The following ZHX3 variants were observed in gnomAD, a reference collection of about 807,000 sequenced individuals.
ZHX3 encodes the protein zinc fingers and homeoboxes 3.
Under a neutral mutation model 64.5 loss-of-function variants are expected in ZHX3, and 20 were observed. That is an observed-to-expected ratio of 0.31 (90% confidence interval 0.22 to 0.45). The LOEUF (loss-of-function observed/expected upper bound fraction) is 0.45. ZHX3 is among the 20% of genes least tolerant of loss of function. The pLI, the probability that ZHX3 is intolerant of heterozygous loss-of-function variation, is 1.00. For missense variants in ZHX3, 1,041 were observed against 1,195.8 expected (o/e 0.87, Z 1.91); for synonymous variants, 423 against 461.6 (o/e 0.92, Z 1.07).
Position 41,180,175 on chromosome 20 carries a change from C to A in ZHX3, c.*5016G>T, listed in dbSNP as rs1020586234. The A allele has an allele frequency of 6.5e-6, 1 of 152,700 alleles. No individual in the cohort carries two copies. Among genetic ancestry groups the A allele is most frequent in the African/African-American group, 2.4e-5 (1 of 41,456 alleles). The allele number at this position is 152,700 out of a possible 1,614,324, so 9.5% of individuals were successfully genotyped here. ...GGACAGCAGGGAAGGTGCCTAGAGT[C>A]CCCACCAGAGCGGCTGCCTTCCTCC... On this transcript the variant is annotated 3_prime_UTR_variant, in exon 4 of 4. Coordinates refer to ENST00000683867, the MANE Select transcript of ZHX3 (RefSeq NM_001384317.1).
chr20:41,235,589 T>A (rs990787646), intron 2 of ZHX3, among the ~76,000 whole-genome samples: 2 of 152,282 alleles, frequency 1.3e-5, no homozygotes, highest in Middle Eastern at 3.4e-3. Flanking sequence ...TGCTAAAAAC[T>A]CTCAATAAAT....
At chr20:41,193,461 G>C (rs1157778900) in intron 3 of ZHX3, among the ~76,000 whole-genome samples, 3 of 151,918 alleles carry the variant, frequency 2.0e-5, no homozygotes, top group African/African-American at 4.8e-5. Flanking sequence ...ATTGTTCATT[G>C]CAAGTGTATA....
intron 1 of ZHX3, among the ~76,000 whole-genome samples, chr20:41,307,396 C>A (rs1302915699): frequency 6.6e-6 from 1 of 152,078 alleles, no homozygotes; most frequent in East Asian, 1.9e-4. Context: ...CTCTATTTTC[C>A]CTCCATTTTA....
intron 2 of ZHX3, among the ~76,000 whole-genome samples, chr20:41,227,633 T>A (rs1237509772): frequency 6.6e-6 from 1 of 152,214 alleles, no homozygotes; most frequent in African/African-American, 2.4e-5. Context: ...TCTAAGAGCT[T>A]CTCTTGATGT....
chr20:41,204,790 G>C lies in ZHX3; in HGVS notation c.127C>G (p.Pro43Ala), dbSNP rs1325551767. The change falls in exon 3 of 4, where the codon CCA becomes GCA. Residue 43 changes from proline (P) to alanine (A), a missense_variant. Pro to Ala is a conservative substitution (Grantham distance 27). Coordinates refer to ENST00000683867, the MANE Select transcript of ZHX3 (RefSeq NM_001384317.1). The surrounding 1 kb of genome is among the most constrained non-coding windows in gnomAD (Gnocchi z 6.6). ...LPEGPQQDLP[P>A]EASAASSEAA... Reference sequence around the variant, plus strand: ...TCACTGCTGGCAGCAGATGCTTCTGGGGGCAGATCCTGCTGGGGTCCTTCA... The same window carrying C: ...TCACTGCTGGCAGCAGATGCTTCTGCGGGCAGATCCTGCTGGGGTCCTTCA... The C allele has an allele frequency of 5.0e-6, 8 of 1,613,760 alleles. No homozygotes were observed. Among genetic ancestry groups the C allele is most frequent in the Non-Finnish European group, 6.8e-6 (8 of 1,179,710 alleles).
At chr20:41,206,530 G>A (rs1265715952) in intron 2 of ZHX3, among the ~76,000 whole-genome samples, 1 of 152,176 alleles carries the variant, frequency 6.6e-6, no homozygotes, top group African/African-American at 2.4e-5. Flanking sequence ...TAGCCGATTT[G>A]ATCAAGTGGA....
intron 2 of ZHX3, chr20:41,238,547 T>A (rs1335576822): frequency 6.6e-6 from 1 of 152,244 alleles, no homozygotes; most frequent in Non-Finnish European, 1.5e-5. Flanking sequence ...ATGATGCTTC[T>A]AACATCTGCT....
chr20:41,199,431 T>C (rs572057779), intron 3 of ZHX3, among the ~76,000 whole-genome samples: 8 of 152,324 alleles, frequency 5.3e-5, no homozygotes, highest in African/African-American at 1.9e-4. Flanking sequence ...ATTTGTGACT[T>C]TTCCAACTAT....
rs1400417379 is a variant in ZHX3 at position 41,224,217 on chromosome 20, C to T, written c.-150-19151G>A. On this transcript the variant is annotated intron_variant, in intron 2 of 3. Coordinates refer to ENST00000683867, the MANE Select transcript of ZHX3 (RefSeq NM_001384317.1). This position sits in a 1 kb window ranked among gnomAD's most constrained non-coding sequence, Gnocchi z 5.2. Reference sequence around the variant, plus strand: ...TCTCCCAAATGTGGGAGCTAATTATCATTTATGACAATTTATTACAAAGCC... The same window carrying T: ...TCTCCCAAATGTGGGAGCTAATTATTATTTATGACAATTTATTACAAAGCC... Among the ~76,000 whole-genome samples the T allele has an allele frequency of 6.6e-6, 1 of 152,196 alleles. No individual in the cohort carries two copies. The highest frequency in any genetic ancestry group is 6.5e-5 in the Admixed American group (1 of 15,286).
At chr20:41,288,236 T>C (rs533739900) in intron 1 of ZHX3, among the ~76,000 whole-genome samples, 105 of 152,298 alleles carry the variant, frequency 6.9e-4, no homozygotes, top group African/African-American at 2.3e-3. Flanking sequence ...CCCAGGCTGG[T>C]CTTGAACTCA....
chr20:41,201,346 G>T lies in ZHX3; in HGVS notation c.2860+711C>A. 4 of 1,304,772 alleles carry T rather than the reference G, an allele frequency of 3.1e-6. No homozygotes were observed. Among genetic ancestry groups the T allele is most frequent in the Non-Finnish European group, 4.0e-6 (4 of 989,076 alleles). 80.8% of individuals were successfully genotyped at this position (1,304,772 alleles called of 1,614,324 possible). ...TGAGAACACAAATGTCAAAGGGTAA[G>T]GAGGGAAGGGAGAGGCTGGGAACTC... On this transcript the variant is annotated intron_variant, in intron 3 of 3. Transcript: ENST00000683867. This position sits in a 1 kb window ranked among gnomAD's most constrained non-coding sequence, Gnocchi z 5.0.
chr20:41,307,676 C>T (rs2045018883), intron 1 of ZHX3, among the ~76,000 whole-genome samples: 1 of 152,128 alleles, frequency 6.6e-6, no homozygotes, highest in Non-Finnish European at 1.5e-5. Flanking sequence ...TAAATGATGC[C>T]TTAGTAAACA....
intron 2 of ZHX3, among the ~76,000 whole-genome samples, chr20:41,226,000 T>C (rs1406447740): frequency 6.6e-6 from 1 of 152,204 alleles, no homozygotes; most frequent in East Asian, 1.9e-4. Flanking sequence ...TAAATGAAGT[T>C]ATATTTCAAG....
In ZHX3 at chr20:41,182,418, G is replaced by A. The variant is rs1314130922; in HGVS notation, c.*2773C>T. 6.6e-6 allele frequency: 1 copy of A among 152,224 alleles called. No homozygotes were observed. The highest frequency in any genetic ancestry group is 1.5e-5 in the Non-Finnish European group (1 of 68,066). 9.4% of individuals were successfully genotyped at this position (152,224 alleles called of 1,614,324 possible). The stretch of plus-strand genomic sequence containing the variant: ...CTTAGGCAGTGTGCAAAACCACAGT[G>A]AGCTGTCCTGTGACAGGGCTACATA... On this transcript the variant is annotated 3_prime_UTR_variant, in exon 4 of 4. Coordinates refer to ENST00000683867, the MANE Select transcript of ZHX3 (RefSeq NM_001384317.1). This position sits in a 1 kb window ranked among gnomAD's most constrained non-coding sequence, Gnocchi z 6.1.
At chr20:41,315,382 A>G (rs1279255834) in intron 1 of ZHX3, among the ~76,000 whole-genome samples, 1 of 106,954 alleles carries the variant, frequency 9.3e-6, no homozygotes, top group African/African-American at 3.7e-5. Context: ...TTTAGTAGAG[A>G]CGGGGTGTCA....
chr20:41,189,645 T>C (rs1003490247), intron 3 of ZHX3, among the ~76,000 whole-genome samples: 7 of 152,234 alleles, frequency 4.6e-5, no homozygotes, highest in Non-Finnish European at 1.0e-4. Context: ...TATTTTATTA[T>C]TGGTGTATAG....
In ZHX3 at chr20:41,202,652, C is replaced by T. The variant is rs774431234; in HGVS notation, c.2265G>A (p.Glu755=). Residue 755 remains glutamate (E), a synonymous_variant, in exon 3 of 4, where the codon GAG becomes GAA. Transcript: ENST00000683867. The surrounding 1 kb of genome is among the most constrained non-coding windows in gnomAD (Gnocchi z 7.0). ...GLGACDPEDD[E]SNKLAEQLPG... ...GGAGCTGCTCTGCCAGTTTGTTTGACTCATCATCCTCAGGGTCACAGGCAC... is the reference window on the plus strand; with the variant it reads ...GGAGCTGCTCTGCCAGTTTGTTTGATTCATCATCCTCAGGGTCACAGGCAC... 2.5e-6 allele frequency: 4 copies of T among 1,614,000 alleles called. No homozygotes were observed. The East Asian group carries it at 6.7e-5, about 27-fold the overall frequency.
chr20:41,283,200 T>C (rs2043777643), intron 1 of ZHX3, among the ~76,000 whole-genome samples: 2 of 152,288 alleles, frequency 1.3e-5, no homozygotes, highest in South Asian at 4.1e-4. Context: ...TGAGCCACCA[T>C]GCCCGGCCTC....
rs6072306 is a variant in ZHX3, at chr20:41,201,170, C to T, written c.2860+887G>A. On this transcript the variant is annotated intron_variant, in intron 3 of 3. Coordinates refer to ENST00000683867, the MANE Select transcript of ZHX3 (RefSeq NM_001384317.1). The surrounding 1 kb of genome is among the most constrained non-coding windows in gnomAD (Gnocchi z 5.0). The stretch of plus-strand genomic sequence containing the variant: ...CACGGAACCATCACATTGCCCAACA[C>T]CACAAATAGTGTCTCCTGTACCCCC... 7,331 of 675,554 alleles carry T rather than the reference C, an allele frequency of 0.011. 55 individuals are homozygous for T. The highest frequency in any genetic ancestry group is 0.013 in the Non-Finnish European group (5,980 of 472,896). 41.8% of individuals were successfully genotyped at this position (675,554 alleles called of 1,614,324 possible).
Sources: gnomAD v4.1 joint callset for allele counts (sites outside exome capture counted in the v4.1 genomes callset) on GRCh38, gnomAD v4.1.1 for gene constraint, Gnocchi (gnomAD v3.1) non-coding constraint, MANE v1.5 for transcripts, NCBI Gene and HGNC (gene_info 2026-07-23, HGNC 2026-07-21) for gene names.